Variants in TMA7B observed in about 807,000 individuals in gnomAD.
TMA7B encodes translation machinery associated 7 homolog B, also known as translation machinery-associated protein 7B.
the TMA7B span, among the ~76,000 whole-genome samples, chr22:39,961,780 G>A: frequency 1.4e-4 from 21 of 152,290 alleles, no homozygotes; most frequent in Non-Finnish European, 2.5e-4. Context: ...AGGAAATACC[G>A]ATCTGGTTTA....
chr22:39,964,613 C>T, the TMA7B span: 130 of 716,246 alleles, frequency 1.8e-4, no homozygotes, highest in South Asian at 1.8e-3. Context: ...TTATTTCATC[C>T]GTATTTAAAC....
chr22:39,961,060 C>T, the TMA7B span: 3 of 152,122 alleles, frequency 2.0e-5, no homozygotes, highest in Non-Finnish European at 4.4e-5. Context: ...ATCTTCCCAC[C>T]TCAGCCTCTC....
At chr22:39,963,393 T>A in the TMA7B span, among the ~76,000 whole-genome samples, 2 of 152,182 alleles carry the variant, frequency 1.3e-5, no homozygotes, top group African/African-American at 2.4e-5. Context: ...AAAGGGTCAA[T>A]GTTTCACACT....
At chr22:39,962,154 G>A in the TMA7B span, among the ~76,000 whole-genome samples, 5 of 152,190 alleles carry the variant, frequency 3.3e-5, no homozygotes, top group Non-Finnish European at 7.3e-5. Flanking sequence ...CGGGCGCCGT[G>A]GCTCATGCCT....
At chr22:39,961,514 G>A in the TMA7B span, among the ~76,000 whole-genome samples, 1 of 152,198 alleles carries the variant, frequency 6.6e-6, no homozygotes. Context: ...CCACAGAACA[G>A]AGGGCCAGGA....
At chr22:39,961,672 G>A in the TMA7B span, among the ~76,000 whole-genome samples, 1 of 152,190 alleles carries the variant, frequency 6.6e-6, no homozygotes, top group Admixed American at 6.5e-5. Flanking sequence ...AGGATCGCAA[G>A]TCACGTATCA....
the TMA7B span, among the ~76,000 whole-genome samples, chr22:39,962,629 G>A: frequency 1.3e-5 from 2 of 151,974 alleles, no homozygotes; most frequent in Admixed American, 6.6e-5. Flanking sequence ...GATGACTCTG[G>A]CTTTTTCAGC....
At chr22:39,964,387 G>T in the TMA7B span, 1 of 762,304 alleles carries the variant, frequency 1.3e-6, no homozygotes. Context: ...GTCCAGCCAC[G>T]AAGGTGGCAA....
chr22:39,964,315 T>C, the TMA7B span: 3 of 686,226 alleles, frequency 4.4e-6, no homozygotes, highest in Non-Finnish European at 7.9e-6. Context: ...CAACAAAAGG[T>C]GCTGATCTAA....
the TMA7B span, among the ~76,000 whole-genome samples, chr22:39,962,298 T>C: frequency 6.6e-6 from 1 of 151,880 alleles, no homozygotes; most frequent in Non-Finnish European, 1.5e-5. Flanking sequence ...GGCGCATGCC[T>C]GTGGTCCCAA....
chr22:39,960,500 C>T, the TMA7B span: 1 of 245,886 alleles, frequency 4.1e-6, no homozygotes, highest in Non-Finnish European at 8.0e-6. Flanking sequence ...AAGAGAGACA[C>T]TCAGTGAGTA....
chr22:39,963,052 T>C, the TMA7B span, among the ~76,000 whole-genome samples: 1 of 152,224 alleles, frequency 6.6e-6, no homozygotes, highest in Non-Finnish European at 1.5e-5. Flanking sequence ...CTTCCCCTGA[T>C]ATTCAGGCGA....
At chr22:39,960,428 CT>C in the TMA7B span, 1 of 441,744 alleles carries the variant, frequency 2.3e-6, no homozygotes, top group Non-Finnish European at 4.1e-6. Flanking sequence ...AGCCCAGGTG[CT>C]TCTGGAAGGG....
chr22:39,960,839 T>C, the TMA7B span: 1 of 152,262 alleles, frequency 6.6e-6, no homozygotes, highest in South Asian at 2.1e-4. Flanking sequence ...TCTATTTTTA[T>C]GCTTAGGTTT....
At chr22:39,964,091 C>T in the TMA7B span, 1 of 335,802 alleles carries the variant, frequency 3.0e-6, no homozygotes, top group Non-Finnish European at 5.4e-6. Flanking sequence ...CTTTCTTTTA[C>T]ATCAGGCAAT....
the TMA7B span, among the ~76,000 whole-genome samples, chr22:39,962,240 TAGTGAGACCTCATC>T: frequency 6.6e-6 from 1 of 152,152 alleles, no homozygotes; most frequent in Non-Finnish European, 1.5e-5. Context: ...CCGGGGCAAC[TAGTGAGACCTCATC>T]TCTACTAAAA....
the TMA7B span, among the ~76,000 whole-genome samples, chr22:39,963,588 C>T: frequency 6.6e-6 from 1 of 152,094 alleles, no homozygotes; most frequent in Non-Finnish European, 1.5e-5. Flanking sequence ...GATTACCACC[C>T]GAAATCAGTC....
chr22:39,963,387 G>C, the TMA7B span, among the ~76,000 whole-genome samples: 2 of 152,004 alleles, frequency 1.3e-5, no homozygotes, highest in African/African-American at 4.8e-5. Flanking sequence ...AGAGTAAAAG[G>C]GTCAATGTTT....
the TMA7B span, chr22:39,964,213 G>A: frequency 8.4e-5 from 47 of 557,856 alleles, no homozygotes; most frequent in East Asian, 8.0e-4. Context: ...GGATCTAATG[G>A]TAAAGGCTCA....
Sources: gnomAD v4.1 joint callset for allele counts (sites outside exome capture counted in the v4.1 genomes callset) on GRCh38, gnomAD v4.1.1 for gene constraint, MANE v1.5 for transcripts, NCBI Gene and HGNC (gene_info 2026-07-23, HGNC 2026-07-21) for gene names.